The following LY75 variants were observed in gnomAD, a reference collection of about 807,000 sequenced individuals.
LY75 encodes the protein lymphocyte antigen 75.
LY75 carries 185 observed loss-of-function variants against 231.7 expected under a neutral mutation model. That is an observed-to-expected ratio of 0.80 (90% CI 0.71 to 0.90). LY75 has a LOEUF of 0.90. Ranked by LOEUF, LY75 falls within the 40% of genes least tolerant of loss-of-function variation. LY75 has a pLI of 0.00. For missense variants in LY75, 1,947 were observed against 2,050.2 expected, an observed-to-expected ratio of 0.95 and a Z score of 0.97; for synonymous variants, 668 against 689.0, an observed-to-expected ratio of 0.97 and a Z score of 0.48.
At chr2:159,887,676 T>C (rs889257314) in intron 4 of LY75, among the ~76,000 whole-genome samples, 17 of 151,996 alleles carry the variant, frequency 1.1e-4, no homozygotes, top group African/African-American at 3.9e-4. Context: ...ATTAGGCGTA[T>C]TGATATGCCT....
At chr2:159,891,813 TG>T in intron 3 of LY75, among the ~76,000 whole-genome samples, 1 of 152,244 alleles carries the variant, frequency 6.6e-6, no homozygotes, top group Non-Finnish European at 1.5e-5. Flanking sequence ...TTCACTGATC[TG>T]GGCCTTCTGC....
At chr2:159,808,157 G>A in intron 33 of LY75, 2 of 982,530 alleles carry the variant, frequency 2.0e-6, no homozygotes, top group East Asian at 1.1e-4. Context: ...ACATTCCTGT[G>A]GAGAAGAAAA....
At position 159,832,333 on chromosome 2, in the gene LY75, A is replaced by G. The variant is rs1214896909; in HGVS notation, c.3842-547T>C. On this transcript the variant is annotated intron_variant, in intron 27 of 34. Transcript: ENST00000263636. ...TAGAGCACTGTGGCATTAGATTGAC[A>G]GAGGAGTGCAAACCCTCTTGTGAAC... 2.0e-5 allele frequency among the ~76,000 whole-genome samples: 3 copies of G among 152,198 alleles called. No homozygotes were observed. In the East Asian group the frequency reaches 5.8e-4, roughly 29 times the overall value.
Position 159,853,639 on chromosome 2 carries a change from T to C in LY75, c.2654A>G (p.His885Arg). The change falls in exon 19 of 35, where the codon CAT becomes CGT. Residue 885 changes from histidine (H) to arginine (R), a missense_variant. By Grantham distance (29) the His-to-Arg change is conservative. Coordinates refer to ENST00000263636, the MANE Select transcript of LY75 (RefSeq NM_002349.4). ...CAATGATGTCACCTACTATGTAAAA[T>C]GATCATCTATTGGCCACTCGCTAAT... ...IRISEWPIDD[H>R]FTYSRYPWHR... The C allele has an allele frequency of 6.2e-7, 1 of 1,613,562 alleles. No individual in the cohort carries two copies. The highest frequency in any genetic ancestry group is 8.5e-7 in the Non-Finnish European group (1 of 1,179,842).
chr2:159,866,821 T>G (rs532158810), intron 13 of LY75, among the ~76,000 whole-genome samples: 42 of 152,174 alleles, frequency 2.8e-4, no homozygotes, highest in Non-Finnish European at 5.0e-4. Flanking sequence ...AAGTAAGCAT[T>G]AGCTATTTTA....
intron 12 of LY75, among the ~76,000 whole-genome samples, chr2:159,873,178 G>A (rs956639982): frequency 2.6e-5 from 4 of 151,958 alleles, no homozygotes; most frequent in African/African-American, 9.7e-5. Context: ...AAAAAGAGGA[G>A]GAGGAGGAGG....
intron 12 of LY75, 112 bp from the exon 13 acceptor site, chr2:159,872,705 G>A (rs996672018): frequency 1.3e-5 from 16 of 1,225,294 alleles, no homozygotes; most frequent in Non-Finnish European, 1.8e-5. Flanking sequence ...TCTTAAAGGT[G>A]TAGTGAAGGC....
At chr2:159,884,728 G>C (rs575220834) in intron 6 of LY75, among the ~76,000 whole-genome samples, 1 of 152,222 alleles carries the variant, frequency 6.6e-6, no homozygotes, top group South Asian at 2.1e-4. Flanking sequence ...TTAAAATACA[G>C]ATTGCTGGAC....
chr2:159,858,397 T>A lies in LY75; in HGVS notation c.2348A>T (p.Asp783Val). The A allele has an allele frequency of 6.2e-7, 1 of 1,613,722 alleles. No individual in the cohort carries two copies. Among genetic ancestry groups the A allele is most frequent in the Non-Finnish European group, 8.5e-7 (1 of 1,179,836 alleles). The change falls in exon 16 of 35, where the codon GAT (aspartate) becomes GTT (valine). Residue 783 changes from aspartate to valine, a missense_variant. Coordinates refer to ENST00000263636, the MANE Select transcript of LY75 (RefSeq NM_002349.4). The stretch of plus-strand genomic sequence containing the variant: ...TTGGCACACCCATTCAAGTTTTGTA[T>A]CACAAGCAAAAGGCCTCAAATAAAT... ...EFIYLRPFAC[D>V]TKLEWVCQIP... is the part of the protein sequence containing the mutation.
intron 28 of LY75, among the ~76,000 whole-genome samples, chr2:159,830,272 T>G (rs1341196622): frequency 6.6e-6 from 1 of 152,138 alleles, no homozygotes. Context: ...ATTTGAGTAA[T>G]TTAGCTTCTT....
At chr2:159,883,690 C>T (rs1452407799) in intron 6 of LY75, among the ~76,000 whole-genome samples, 1 of 152,108 alleles carries the variant, frequency 6.6e-6, no homozygotes, top group Non-Finnish European at 1.5e-5. Context: ...TCATCAATTG[C>T]TCTAGTTTAT....
intron 23 of LY75, 162 bp from the exon 24 acceptor site, chr2:159,842,536 C>A: frequency 1.4e-6 from 1 of 694,536 alleles, no homozygotes; most frequent in Non-Finnish European, 1.8e-6. Context: ...ACTTTCAAAG[C>A]ATGGATAAAG....
chr2:159,867,554 G>T (rs571753998), intron 13 of LY75, among the ~76,000 whole-genome samples: 30 of 152,308 alleles, frequency 2.0e-4, no homozygotes, highest in African/African-American at 7.2e-4. Flanking sequence ...AGAAGAGATA[G>T]CGTAAAAGGT....
intron 2 of LY75, among the ~76,000 whole-genome samples, chr2:159,896,849 G>A (rs566921809): frequency 1.0e-3 from 154 of 152,288 alleles, no homozygotes; most frequent in South Asian, 2.3e-3. Context: ...TTTGGCCCTG[G>A]TTTCTGTGCA....
At chr2:159,884,356 T>C (rs1407133919) in intron 6 of LY75, among the ~76,000 whole-genome samples, 2 of 152,148 alleles carry the variant, frequency 1.3e-5, no homozygotes, top group African/African-American at 2.4e-5. Context: ...AAATACCAGG[T>C]ATACATCAGG....
intron 23 of LY75, among the ~76,000 whole-genome samples, chr2:159,843,372 T>A (rs770736622): frequency 2.6e-5 from 4 of 151,928 alleles, no homozygotes; most frequent in Non-Finnish European, 4.4e-5. Context: ...CATTTGAAAA[T>A]CTAAATTAAA....
intron 14 of LY75, among the ~76,000 whole-genome samples, chr2:159,862,015 G>C (rs1240356543): frequency 6.6e-6 from 1 of 151,850 alleles, no homozygotes; most frequent in African/African-American, 2.4e-5. Flanking sequence ...AATTAGCTGG[G>C]CGTGGAAGGG....
chr2:159,884,840 C>T (rs1008501646), intron 6 of LY75, among the ~76,000 whole-genome samples: 3 of 152,026 alleles, frequency 2.0e-5, no homozygotes, highest in Non-Finnish European at 2.9e-5. Context: ...TGGGGACCAC[C>T]CCTGGAGAAC....
chr2:159,819,758 T>G lies in LY75; in HGVS notation c.4121A>C (p.Gln1374Pro). The G allele has an allele frequency of 6.2e-7, 1 of 1,613,526 alleles. No homozygotes were observed. Among genetic ancestry groups the G allele is most frequent in the South Asian group, 1.1e-5 (1 of 90,952 alleles). The stretch of plus-strand genomic sequence containing the variant: ...AATTTTACAAGCAAGAATGCTGTGC[T>G]GGTGAAAATAAACTGCTTCTTCAAT... ...KVIEEAVYFH[Q>P]HSILACKIEM... Residue 1374 changes from glutamine (Q) to proline (P), a missense_variant, in exon 29 of 35, where the codon CAG (glutamine) becomes CCG (proline). By Grantham distance (76) the Gln-to-Pro change is moderately conservative (BLOSUM62 -1). Coordinates refer to ENST00000263636, the MANE Select transcript of LY75 (RefSeq NM_002349.4).
Sources: allele counts gnomAD v4.1 joint callset (sites outside exome capture counted in the v4.1 genomes callset), GRCh38; gene constraint gnomAD v4.1.1; transcripts MANE v1.5; gene names NCBI Gene and HGNC (gene_info 2026-07-23, HGNC 2026-07-21).